CLASP1: variants seen among roughly 807,000 people sequenced by gnomAD.
The protein encoded by CLASP1 is CLIP-associating protein 1.
In CLASP1, 38 loss-of-function variants were observed where a neutral mutation model predicts 192.3. The observed-to-expected ratio is 0.20, with a 90% confidence interval of 0.15 to 0.26. The LOEUF is 0.26. Among genes scored for constraint, CLASP1 ranks in the 10% least tolerant of loss-of-function variants. CLASP1 has a pLI of 1.00. For synonymous variants in CLASP1, 691 were observed against 712.8 expected, an observed-to-expected ratio of 0.97 and a Z score of 0.49; for missense variants, 1,433 against 1,932.5, an observed-to-expected ratio of 0.74 and a Z score of 4.85.
chr2:121,357,149 CA>C (rs1479948189), intron 37 of CLASP1, among the ~76,000 whole-genome samples: 1 of 152,112 alleles, frequency 6.6e-6, no homozygotes, highest in Middle Eastern at 3.2e-3. Flanking sequence ...AAGCAGTAGT[CA>C]AAAAATACAA....
intron 23 of CLASP1, among the ~76,000 whole-genome samples, chr2:121,414,591 C>T (rs2078248608): frequency 1.3e-5 from 2 of 152,060 alleles, no homozygotes; most frequent in South Asian, 2.1e-4. Context: ...GGCAGTAAGA[C>T]GGATTGTTAG....
rs1237772885 is a variant in CLASP1, at chr2:121,367,724, G to A, written c.3750C>T (p.Thr1250=). 5.6e-6 allele frequency: 9 copies of A among 1,613,866 alleles called. No individual in the cohort carries two copies. The Admixed American group carries it at 1.3e-4, about 24-fold the overall frequency. The change falls in exon 35 of 40, where the codon ACC becomes ACT. Residue 1250 remains threonine, a synonymous_variant. Transcript: ENST00000263710. ...GCCCCGGGAAGGCGCGCGGAGGCTG[G>A]GTGTTGAGTAGTGAGGTCTTGTTAT... is the stretch of plus-strand genomic sequence containing the variant.
intron 32 of CLASP1, among the ~76,000 whole-genome samples, chr2:121,384,636 G>A (rs1030747529): frequency 6.6e-5 from 10 of 152,298 alleles, no homozygotes; most frequent in African/African-American, 2.2e-4. Flanking sequence ...AGGTGTGGCG[G>A]CTCATGCCTG....
chr2:121,562,149 C>G (rs2059140353), intron 2 of CLASP1, among the ~76,000 whole-genome samples: 1 of 152,186 alleles, frequency 6.6e-6, no homozygotes, highest in South Asian at 2.1e-4. Flanking sequence ...CAATCTTTGT[C>G]CTGGACAGCA....
rs2084169075 is a variant in CLASP1, at chr2:121,445,555, T to C, written c.1912+1782A>G. 2.0e-5 allele frequency: 19 copies of C among 959,840 alleles called. 2 individuals carry two copies. The South Asian group carries it at 2.3e-4, about 12-fold the overall frequency. The allele number at this position is 959,840 out of a possible 1,614,324, so 59.5% of individuals were successfully genotyped here. A position where few individuals can be genotyped will look rare whatever the true frequency, so the allele number is the denominator to read the frequency against. ...GCTACACTTTTGCAAAGATGTCATG[T>C]GTCAACCTAGGTAGCAACTGTAACA... On this transcript the variant is annotated intron_variant, in intron 19 of 39. Transcript: ENST00000263710.
At chr2:121,497,864 C>T (rs538553830) in intron 8 of CLASP1, among the ~76,000 whole-genome samples, 3 of 152,068 alleles carry the variant, frequency 2.0e-5, no homozygotes, top group Non-Finnish European at 4.4e-5. Flanking sequence ...GGACTACAGG[C>T]GCCCACCACC....
chr2:121,522,140 G>A (rs981685093), intron 6 of CLASP1, among the ~76,000 whole-genome samples: 5 of 152,106 alleles, frequency 3.3e-5, no homozygotes, highest in African/African-American at 7.2e-5. Context: ...GTGTGTGCGC[G>A]CACGTGTGCA....
chr2:121,490,227 C>G (rs753405107), intron 8 of CLASP1: 1 of 418,052 alleles, frequency 2.4e-6, no homozygotes, highest in South Asian at 1.7e-5. Context: ...CCTAGCCAAG[C>G]AGCAATAATT....
intron 6 of CLASP1, among the ~76,000 whole-genome samples, chr2:121,519,802 T>C (rs1326938917): frequency 6.6e-6 from 1 of 152,204 alleles, no homozygotes; most frequent in Non-Finnish European, 1.5e-5. Flanking sequence ...GATGAACAGG[T>C]ATTCTTTGGT....
intron 2 of CLASP1, among the ~76,000 whole-genome samples, chr2:121,566,041 C>A (rs1362274187): frequency 1.3e-5 from 2 of 152,194 alleles, no homozygotes; most frequent in African/African-American, 4.8e-5. Flanking sequence ...AGACTGACAG[C>A]TGTGAGTCCT....
chr2:121,533,575 G>A (rs986157911), intron 2 of CLASP1, among the ~76,000 whole-genome samples: 1 of 151,970 alleles, frequency 6.6e-6, no homozygotes, highest in African/African-American at 2.4e-5. Flanking sequence ...AACTTCTTCT[G>A]CATGGCTCAC....
chr2:121,546,613 C>A (rs1045099482), intron 2 of CLASP1, among the ~76,000 whole-genome samples: 1 of 152,010 alleles, frequency 6.6e-6, no homozygotes, highest in Admixed American at 6.6e-5. Context: ...ACCCTCGGGT[C>A]AGGAGACTGC....
At chr2:121,397,346 T>C (rs2075448855) in intron 29 of CLASP1, 63 bp from the exon 31 acceptor site, 2 of 1,465,958 alleles carry the variant, frequency 1.4e-6, no homozygotes, top group Non-Finnish European at 1.9e-6. Context: ...ACAATTCTTA[T>C]CAGGTGGCCA....
chr2:121,621,372 C>T (rs71424391), intron 1 of CLASP1, among the ~76,000 whole-genome samples: 36,401 of 151,994 alleles, frequency 0.24, 6,640 homozygotes, highest in African/African-American at 0.51. Flanking sequence ...TGGGCTCAAG[C>T]GATCCTCCCA....
intron 37 of CLASP1, 67 bp downstream of exon 38, chr2:121,363,105 A>G: frequency 2.5e-6 from 4 of 1,593,374 alleles, no homozygotes; most frequent in Non-Finnish European, 3.4e-6. Context: ...TGATTCCTCT[A>G]TCTCCATGTC....
At chr2:121,373,229 T>C (rs745736689) in intron 34 of CLASP1, among the ~76,000 whole-genome samples, 8 of 152,204 alleles carry the variant, frequency 5.3e-5, no homozygotes, top group African/African-American at 4.8e-5. Flanking sequence ...CTTCGCTCTC[T>C]CTCTTGCCTT....
chr2:121,447,304 G>A, intron 19 of CLASP1, 33 bp downstream of exon 19: 1 of 1,561,796 alleles, frequency 6.4e-7, no homozygotes, highest in South Asian at 1.2e-5. Flanking sequence ...GCAGAGCAGT[G>A]CAGGAGGGAA....
intron 2 of CLASP1, among the ~76,000 whole-genome samples, chr2:121,557,673 G>A (rs1460006302): frequency 6.6e-6 from 1 of 151,788 alleles, no homozygotes; most frequent in Non-Finnish European, 1.5e-5. Flanking sequence ...TTAGTCTACT[G>A]TAGAACCCTG....
At chr2:121,593,323 T>C (rs1397150635) in intron 2 of CLASP1, among the ~76,000 whole-genome samples, 1 of 151,922 alleles carries the variant, frequency 6.6e-6, no homozygotes, top group Non-Finnish European at 1.5e-5. Context: ...ACTGTTCCAG[T>C]GTAAAGGAAA....
Sources: allele counts gnomAD v4.1 joint callset (sites outside exome capture counted in the v4.1 genomes callset), GRCh38; gene constraint gnomAD v4.1.1; transcripts MANE v1.5; gene names NCBI Gene and HGNC (gene_info 2026-07-23, HGNC 2026-07-21).